JMJD1C: variants seen among roughly 807,000 people sequenced by gnomAD.
JMJD1C encodes the protein jumonji domain containing 1C.
JMJD1C carries 31 observed loss-of-function variants against 245.3 expected under a neutral mutation model. The ratio of observed to expected loss-of-function variants is 0.13; its 90% CI spans 0.09 to 0.17. The LOEUF is 0.17. Ranked by LOEUF, JMJD1C falls within the 10% of genes least tolerant of loss-of-function variation. The pLI is 1.00. For synonymous variants in JMJD1C, 1,057 were observed against 1,017.4 expected (o/e 1.04, Z -0.74); for missense variants, 2,691 against 3,000.2 (o/e 0.90, Z 2.41).
chr10:63,311,324 A>T (rs967819041), intron 2 of JMJD1C, among the ~76,000 whole-genome samples: 1 of 152,116 alleles, frequency 6.6e-6, no homozygotes, highest in African/African-American at 2.4e-5. Flanking sequence ...GGTTGCAGTG[A>T]GCTGAGATGG....
intron 1 of JMJD1C, among the ~76,000 whole-genome samples, chr10:63,389,808 G>A (rs1947912425): frequency 6.6e-6 from 1 of 152,012 alleles, no homozygotes; most frequent in South Asian, 2.1e-4. Flanking sequence ...GGTCAAGAAA[G>A]AAACTAAGGA....
Position 63,346,193 on chromosome 10 carries a change from C to T in JMJD1C, c.333+34125G>A, listed in dbSNP as rs142685518. On this transcript the variant is annotated intron_variant, in intron 2 of 25. Transcript: ENST00000399262. ...AAGTAGCTGGGACTACAGCTGTGTG[C>T]TACTCTGCCCACTGGGAAATGAATC... Among the ~76,000 whole-genome samples the T allele has an allele frequency of 1.8e-3, 267 of 152,272 alleles. 2 individuals are homozygous for T. Among genetic ancestry groups the T allele is most frequent in the Middle Eastern group, 6.8e-3 (2 of 294 alleles).
chr10:63,226,618 G>T (rs1849308790), intron 3 of JMJD1C, among the ~76,000 whole-genome samples: 1 of 148,674 alleles, frequency 6.7e-6, no homozygotes, highest in Admixed American at 6.8e-5. Flanking sequence ...GGGAGGCTGA[G>T]ATGGGAGGAT....
chr10:63,521,392 G>A (rs1302594260), intron 1 of JMJD1C: 3 of 177,478 alleles, frequency 1.7e-5, no homozygotes, highest in Non-Finnish European at 3.3e-5. Context: ...AGCCCAGGCC[G>A]CCGCGCGCAC....
At chr10:63,190,192 C>T (rs1036527974) in intron 17 of JMJD1C, among the ~76,000 whole-genome samples, 1 of 151,730 alleles carries the variant, frequency 6.6e-6, no homozygotes, top group Non-Finnish European at 1.5e-5. Context: ...TAAGCCACCA[C>T]ACCCAGCCCC....
intron 1 of JMJD1C, among the ~76,000 whole-genome samples, chr10:63,446,232 T>C (rs1446735794): frequency 1.3e-5 from 2 of 152,100 alleles, no homozygotes. Context: ...ACAGTTTGGA[T>C]ATGGGATGTG....
intron 3 of JMJD1C, among the ~76,000 whole-genome samples, chr10:63,221,842 C>A (rs1476020156): frequency 6.6e-6 from 1 of 152,220 alleles, no homozygotes; most frequent in African/African-American, 2.4e-5. Context: ...CTGTCTCAGC[C>A]TCCTGAGTAG....
chr10:63,508,941 T>C (rs1954797673), intron 1 of JMJD1C, among the ~76,000 whole-genome samples: 2 of 152,234 alleles, frequency 1.3e-5, no homozygotes, highest in South Asian at 4.1e-4. Context: ...TTTGTCTTAC[T>C]GCATCAGCTA....
rs1847716270 is a variant in JMJD1C at position 63,214,372 on chromosome 10, A to G, written c.1795T>C (p.Tyr599His). 6.2e-7 allele frequency: 1 copy of G among 1,614,022 alleles called. No individual in the cohort carries two copies. The highest frequency in any genetic ancestry group is 8.5e-7 in the Non-Finnish European group (1 of 1,179,986). The change falls in exon 8 of 26, where the codon TAC (tyrosine) becomes CAC (histidine). Residue 599 changes from tyrosine to histidine, a missense_variant. Tyr to His is a moderately conservative substitution (Grantham distance 83). Transcript: ENST00000399262. ...GAAACTGCACTTAAAGGAGAAATGT[A>G]AGAGACATACTTCTCTTTTTCCATG... The part of the protein sequence containing the change: ...LNMEKEKYVS[Y>H]ISPLSAVSVM...
At chr10:63,500,944 AAT>A (rs1462352083) in intron 1 of JMJD1C, among the ~76,000 whole-genome samples, 1 of 152,252 alleles carries the variant, frequency 6.6e-6, no homozygotes, top group Non-Finnish European at 1.5e-5. Context: ...TTTTTCAAAT[AAT>A]ATGTTTTTCC....
At chr10:63,420,883 A>C (rs890211068) in intron 1 of JMJD1C, among the ~76,000 whole-genome samples, 20 of 132,654 alleles carry the variant, frequency 1.5e-4, no homozygotes, top group African/African-American at 7.6e-4. Context: ...AAATCAACAA[A>C]GTACAAAACA....
At chr10:63,470,323 C>A (rs1005173377), upstream of JMJD1C, among the ~76,000 whole-genome samples, 5 of 152,140 alleles carry the variant, frequency 3.3e-5, no homozygotes, top group African/African-American at 1.2e-4. Flanking sequence ...AAATCTAACT[C>A]AACTAAGAGG....
At chr10:63,477,840 G>A (rs1953711097) in intron 1 of JMJD1C, among the ~76,000 whole-genome samples, 1 of 151,812 alleles carries the variant, frequency 6.6e-6, no homozygotes, top group South Asian at 2.1e-4. Context: ...ATCTGATAGA[G>A]GATTAATATC....
intron 2 of JMJD1C, among the ~76,000 whole-genome samples, chr10:63,325,907 C>T (rs1941439489): frequency 6.6e-6 from 1 of 152,156 alleles, no homozygotes; most frequent in Non-Finnish European, 1.5e-5. Context: ...TGTAGATCAA[C>T]ATACTTATAT....
At chr10:63,421,259 G>A (rs186588046) in intron 1 of JMJD1C, among the ~76,000 whole-genome samples, 8 of 152,268 alleles carry the variant, frequency 5.3e-5, no homozygotes, top group South Asian at 4.2e-4. Context: ...GCTTGAATCC[G>A]GGAGGCGGAG....
chr10:63,348,911 G>A (rs1258719340), intron 2 of JMJD1C, among the ~76,000 whole-genome samples: 1 of 151,806 alleles, frequency 6.6e-6, no homozygotes, highest in African/African-American at 2.4e-5. Flanking sequence ...GATCAGCCTG[G>A]CCAACATGGT....
rs190438301 is a variant in JMJD1C at position 63,207,100 on chromosome 10, G to T, written c.4569C>A (p.Ile1523=). The T allele has an allele frequency of 1.6e-5, 26 of 1,614,182 alleles. No individual in the cohort carries two copies. In the Middle Eastern group the frequency reaches 4.9e-4, roughly 31 times the overall value. ...AGTTTGCTTTGTTAATTGTACTACA[G>T]ATTACAGTGCTATCCAGAGGAAGGG... ...SASLPLDSTV[I]CSTINKANSV... Residue 1523 remains isoleucine, a synonymous_variant, in exon 10 of 26, where the codon ATC becomes ATA. Coordinates refer to ENST00000399262, the MANE Select transcript of JMJD1C (RefSeq NM_032776.3).
At chr10:63,182,943 C>A (rs1189708052) in intron 22 of JMJD1C, among the ~76,000 whole-genome samples, 1 of 152,116 alleles carries the variant, frequency 6.6e-6, no homozygotes, top group African/African-American at 2.4e-5. Context: ...CTCACCGCAA[C>A]CTCCGCCTCC....
intron 8 of JMJD1C, among the ~76,000 whole-genome samples, chr10:63,211,596 T>C (rs1039370490): frequency 1.8e-4 from 27 of 151,966 alleles, no homozygotes; most frequent in African/African-American, 6.5e-4. Flanking sequence ...TTTTATCTAC[T>C]GGCATCACTA....
Sources: allele counts gnomAD v4.1 joint callset (sites outside exome capture counted in the v4.1 genomes callset), GRCh38; gene constraint gnomAD v4.1.1; transcripts MANE v1.5; gene names NCBI Gene and HGNC (gene_info 2026-07-23, HGNC 2026-07-21).